Variants in KALRN observed in about 807,000 individuals in gnomAD.
KALRN encodes the protein kalirin.
A neutral mutation model predicts 353.7 loss-of-function variants in KALRN; 70 were observed. The observed-to-expected ratio is 0.20, with a 90% CI of 0.16 to 0.24. The LOEUF is 0.24. Among genes scored for constraint, KALRN ranks in the 10% least tolerant of loss-of-function variants. The pLI is 1.00. For synonymous variants in KALRN, 1,391 were observed against 1,434.8 expected (o/e 0.97, Z 0.69); for missense variants, 2,791 against 3,756.7 (o/e 0.74, Z 6.72).
intron 10 of KALRN, among the ~76,000 whole-genome samples, chr3:124,362,747 A>C (rs2084193589): frequency 6.6e-6 from 1 of 152,246 alleles, no homozygotes; most frequent in Non-Finnish European, 1.5e-5. Context: ...AATATCACCA[A>C]GGGAAGGAAG....
At chr3:124,281,389 G>A (rs2075329360) in intron 5 of KALRN, among the ~76,000 whole-genome samples, 1 of 152,210 alleles carries the variant, frequency 6.6e-6, no homozygotes, top group African/African-American at 2.4e-5. Context: ...AGGTGACCTT[G>A]TCATGAGGTG....
Position 124,033,625 on chromosome 3 carries a change from G to T in KALRN, c.-116G>T, listed in dbSNP as rs1385227994. Among the ~76,000 whole-genome samples the T allele has an allele frequency of 6.6e-6, 1 of 151,604 alleles. No homozygotes were observed. The highest frequency in any genetic ancestry group is 1.5e-5 in the Non-Finnish European group (1 of 67,842). On this transcript the variant is annotated 5_prime_UTR_variant, in exon 1 of 60. Coordinates refer to ENST00000682506, the MANE Select transcript of KALRN (RefSeq NM_001388419.1). The surrounding 1 kb of genome is among the most constrained non-coding windows in gnomAD (Gnocchi z 6.2). ...CGCCCGCCCTCGAAGCTCCGCGGCCGCCAGCTCTGCGGCCGCAGCAGCTGC... is the reference window on the plus strand; with the variant it reads ...CGCCCGCCCTCGAAGCTCCGCGGCCTCCAGCTCTGCGGCCGCAGCAGCTGC...
At chr3:124,374,011 A>G (rs1051287720) in intron 10 of KALRN, among the ~76,000 whole-genome samples, 1 of 152,212 alleles carries the variant, frequency 6.6e-6, no homozygotes, top group Non-Finnish European at 1.5e-5. Flanking sequence ...AAGTAGCAGT[A>G]TGGTCTGAAT....
intron 6 of KALRN, among the ~76,000 whole-genome samples, chr3:124,325,668 G>A (rs2079821418): frequency 6.6e-6 from 1 of 152,092 alleles, no homozygotes; most frequent in African/African-American, 2.4e-5. Flanking sequence ...GCCATCCCTG[G>A]GAATGACTTC....
chr3:124,084,281 C>T (rs1347341280), intron 1 of KALRN, among the ~76,000 whole-genome samples: 16 of 152,198 alleles, frequency 1.1e-4, no homozygotes, highest in Admixed American at 2.0e-4. Flanking sequence ...TCCAACCCCA[C>T]GTCTTTAGTG....
chr3:124,232,091 T>A (rs1234230313), intron 2 of KALRN, among the ~76,000 whole-genome samples: 1 of 152,160 alleles, frequency 6.6e-6, no homozygotes, highest in Non-Finnish European at 1.5e-5. Flanking sequence ...AATCAACACC[T>A]TTCCCTCTTT....
At chr3:124,325,456 C>A (rs1169610144) in intron 6 of KALRN, among the ~76,000 whole-genome samples, 4 of 152,182 alleles carry the variant, frequency 2.6e-5, no homozygotes, top group Non-Finnish European at 4.4e-5. Flanking sequence ...GTGGGGACAT[C>A]TTTGCTAGGT....
Position 124,395,278 on chromosome 3 carries a change from A to G in KALRN, c.2106A>G (p.Glu702=). 1 of 1,613,614 alleles carries G rather than the reference A, an allele frequency of 6.2e-7. No individual in the cohort carries two copies. Among genetic ancestry groups the G allele is most frequent in the Non-Finnish European group, 8.5e-7 (1 of 1,179,958 alleles). ...ATGCCACACTCAATGTCATCAAGGAAGGCGAAGACCTTATCCAGCAGCTCA... is the reference window on the plus strand; with the variant it reads ...ATGCCACACTCAATGTCATCAAGGAGGGCGAAGACCTTATCCAGCAGCTCA... ...TLDATLNVIK[E]GEDLIQQLRS... Residue 702 remains glutamate, a synonymous_variant, in exon 12 of 60, where the codon GAA becomes GAG. Transcript: ENST00000682506.
At chr3:124,318,729 T>G (rs935402638) in intron 6 of KALRN, among the ~76,000 whole-genome samples, 2 of 152,162 alleles carry the variant, frequency 1.3e-5, no homozygotes, top group Non-Finnish European at 2.9e-5. Context: ...GCTTTGAGAT[T>G]GAGGAAATAA....
chr3:124,242,251 A>G (rs1321503241), intron 3 of KALRN, among the ~76,000 whole-genome samples: 1 of 152,186 alleles, frequency 6.6e-6, no homozygotes, highest in African/African-American at 2.4e-5. Flanking sequence ...TTATTAATCA[A>G]TTCTAGGCAC....
At chr3:124,150,105 T>C (rs1029768600) in intron 1 of KALRN, among the ~76,000 whole-genome samples, 2 of 152,224 alleles carry the variant, frequency 1.3e-5, no homozygotes, top group Non-Finnish European at 2.9e-5. Flanking sequence ...TTGCTGGTTA[T>C]GTAAATATTA....
intron 33 of KALRN, among the ~76,000 whole-genome samples, chr3:124,558,791 C>A (rs554289714): frequency 6.6e-6 from 1 of 152,210 alleles, no homozygotes; most frequent in Non-Finnish European, 1.5e-5. Flanking sequence ...ATGCCCTAAA[C>A]GAGGCTATGC....
rs189240396 is a variant in KALRN, at chr3:124,519,360, C to G, written c.4935+22947C>G. ...TAAAAGTCCTCCAGTTTCCAACACA[C>G]TCAAGAGAGAGCCCCAACCCCAAAC... is the stretch of plus-strand genomic sequence containing the variant. On this transcript the variant is annotated intron_variant, in intron 33 of 59. Transcript: ENST00000682506. 2.5e-3 allele frequency: 2,461 copies of G among 985,434 alleles called. 8 individuals are homozygous for G. The highest frequency in any genetic ancestry group is 2.8e-3 in the Non-Finnish European group (2,357 of 829,934). 61.0% of individuals were successfully genotyped at this position (985,434 alleles called of 1,614,324 possible).
chr3:124,095,571 G>T (rs2061394850), intron 1 of KALRN, among the ~76,000 whole-genome samples: 1 of 152,098 alleles, frequency 6.6e-6, no homozygotes, highest in Non-Finnish European at 1.5e-5. Flanking sequence ...ATTATCTACA[G>T]ATACAGCCGG....
At position 124,694,471 on chromosome 3, in the gene KALRN, T is replaced by A; in HGVS notation, c.7545T>A (p.Asp2515Glu). The part of the protein sequence containing the change: ...KGPDQNILDT[D>E]NSSATYTVSS... ...CAGACCAGAACATCCTTGACACTGA[T>A]AACAGCTCAGCCACATACACGGTCT... Residue 2515 changes from aspartate (D) to glutamate (E), a missense_variant, in exon 53 of 60, where the codon GAT (aspartate) becomes GAA (glutamate). Coordinates refer to ENST00000682506, the MANE Select transcript of KALRN (RefSeq NM_001388419.1). The A allele has an allele frequency of 6.2e-7, 1 of 1,614,170 alleles. No individual in the cohort carries two copies. Among genetic ancestry groups the A allele is most frequent in the Non-Finnish European group, 8.5e-7 (1 of 1,180,024 alleles).
chr3:124,597,623 C>T (rs1329026106), intron 34 of KALRN, among the ~76,000 whole-genome samples: 3 of 152,154 alleles, frequency 2.0e-5, no homozygotes, highest in African/African-American at 7.2e-5. Flanking sequence ...GCTGCACTGT[C>T]CAATCCAGTA....
chr3:124,557,739 G>A (rs2713663), intron 33 of KALRN, among the ~76,000 whole-genome samples: 4,644 of 152,280 alleles, frequency 0.03, 233 homozygotes, highest in African/African-American at 0.11. Flanking sequence ...AGGCAGCCAG[G>A]GGAGGAAGAG....
intron 25 of KALRN, among the ~76,000 whole-genome samples, chr3:124,472,441 G>A (rs1254124635): frequency 6.6e-6 from 1 of 152,178 alleles, no homozygotes; most frequent in Non-Finnish European, 1.5e-5. Context: ...TGTAATCCCA[G>A]CACTTTGAGA....
chr3:124,184,876 C>T (rs984123378), intron 1 of KALRN, among the ~76,000 whole-genome samples: 2 of 151,960 alleles, frequency 1.3e-5, no homozygotes, highest in Non-Finnish European at 2.9e-5. Context: ...TAGACATGGG[C>T]AGATAGGTGG....
Sources: allele counts gnomAD v4.1 joint callset (sites outside exome capture counted in the v4.1 genomes callset), GRCh38; gene constraint gnomAD v4.1.1; non-coding constraint Gnocchi (gnomAD v3.1); transcripts MANE v1.5; gene names NCBI Gene and HGNC (gene_info 2026-07-23, HGNC 2026-07-21).